Variants in LRRC4C observed in about 807,000 individuals in gnomAD.
The protein encoded by LRRC4C is leucine-rich repeat-containing protein 4C.
Under a neutral mutation model 33.6 loss-of-function variants are expected in LRRC4C, and 5 were observed. The observed-to-expected ratio is 0.15, with a 90% CI of 0.08 to 0.31. The LOEUF is 0.31. LRRC4C is among the 10% of genes least tolerant of loss of function. LRRC4C has a pLI of 1.00. For missense variants in LRRC4C, 560 were observed against 796.7 expected, an observed-to-expected ratio of 0.70 and a Z score of 3.58; for synonymous variants, 329 against 302.0, an observed-to-expected ratio of 1.09 and a Z score of -0.93.
At chr11:41,253,618 C>A (rs1391845984) in intron 1 of LRRC4C, among the ~76,000 whole-genome samples, 3 of 152,056 alleles carry the variant, frequency 2.0e-5, no homozygotes, top group Non-Finnish European at 4.4e-5. Flanking sequence ...TAACACTAAC[C>A]AAGTCTTGTC....
intron 1 of LRRC4C, among the ~76,000 whole-genome samples, chr11:41,265,330 G>T (rs572039228): frequency 6.6e-6 from 1 of 152,150 alleles, no homozygotes; most frequent in Admixed American, 6.5e-5. Context: ...CCAAGAGGAC[G>T]ATACTTAAAA....
At chr11:40,385,358 C>T in intron 3 of LRRC4C, among the ~76,000 whole-genome samples, 1 of 152,296 alleles carries the variant, frequency 6.6e-6, no homozygotes, top group South Asian at 2.1e-4. Context: ...GCAGAGAACT[C>T]TCATTCAAGT....
At chr11:41,197,259 A>G (rs1423179816) in intron 1 of LRRC4C, among the ~76,000 whole-genome samples, 1 of 151,992 alleles carries the variant, frequency 6.6e-6, no homozygotes, top group Non-Finnish European at 1.5e-5. Context: ...TTAGAGGATA[A>G]TCCCTTTCGC....
At chr11:41,224,569 GTT>G (rs910323263) in intron 1 of LRRC4C, among the ~76,000 whole-genome samples, 10 of 152,082 alleles carry the variant, frequency 6.6e-5, no homozygotes, top group Non-Finnish European at 1.5e-4. Context: ...TTCTTAATAG[GTT>G]TAGAACTTAG....
chr11:40,484,365 C>T (rs1044204176), intron 3 of LRRC4C, among the ~76,000 whole-genome samples: 4 of 151,878 alleles, frequency 2.6e-5, no homozygotes, highest in African/African-American at 9.7e-5. Context: ...CATCCTAAAA[C>T]ATAAACACAT....
intron 1 of LRRC4C, among the ~76,000 whole-genome samples, chr11:40,967,150 G>T: frequency 6.6e-6 from 1 of 151,210 alleles, no homozygotes; most frequent in East Asian, 1.9e-4. Context: ...TTTAAAAAGA[G>T]AAAAGGAAAG....
At chr11:40,813,688 ATCC>A (rs1276186341) in intron 2 of LRRC4C, among the ~76,000 whole-genome samples, 5 of 152,120 alleles carry the variant, frequency 3.3e-5, no homozygotes, top group Non-Finnish European at 7.4e-5. Context: ...TCTGCCTATG[ATCC>A]TGTAAAATCA....
Position 40,239,240 on chromosome 11 carries a change from T to C in LRRC4C, c.-96+2279A>G, listed in dbSNP as rs1321417337. Reference sequence around the variant, plus strand: ...AGCATATTTTCCCCCAAATCTAGTGTTTTTAAGCTCAAACTGCCTTATATT... The same window carrying C: ...AGCATATTTTCCCCCAAATCTAGTGCTTTTAAGCTCAAACTGCCTTATATT... On this transcript the variant is annotated intron_variant, in intron 5 of 6. Coordinates refer to ENST00000528697, the MANE Select transcript of LRRC4C (RefSeq NM_001258419.2). 2.3e-4 allele frequency among the ~76,000 whole-genome samples: 35 copies of C among 152,198 alleles called. 1 individual carries two copies. Among genetic ancestry groups the C allele is most frequent in the Admixed American group, 2.2e-3 (34 of 15,268 alleles).
intron 5 of LRRC4C, among the ~76,000 whole-genome samples, chr11:40,188,799 T>C (rs1861608330): frequency 6.9e-6 from 1 of 144,264 alleles, no homozygotes. Context: ...GGCTTTAAAG[T>C]AGACCTTGAT....
intron 1 of LRRC4C, among the ~76,000 whole-genome samples, chr11:41,161,596 G>A (rs888918418): frequency 2.3e-4 from 35 of 152,038 alleles, no homozygotes; most frequent in African/African-American, 8.2e-4. Context: ...GGACACTTAG[G>A]GTCACCTATG....
intron 1 of LRRC4C, among the ~76,000 whole-genome samples, chr11:41,172,116 G>T (rs1422392933): frequency 2.0e-5 from 3 of 152,094 alleles, no homozygotes; most frequent in Non-Finnish European, 2.9e-5. Flanking sequence ...GTTAACAAAG[G>T]GTGGCGGAGG....
intron 6 of LRRC4C, among the ~76,000 whole-genome samples, chr11:40,140,568 C>G (rs1331023470): frequency 6.6e-6 from 1 of 152,096 alleles, no homozygotes; most frequent in East Asian, 1.9e-4. Context: ...AAGAGAAACA[C>G]AAGAAATTTG....
intron 4 of LRRC4C, among the ~76,000 whole-genome samples, chr11:40,272,922 A>G (rs1451213030): frequency 6.6e-6 from 1 of 152,028 alleles, no homozygotes; most frequent in Admixed American, 6.6e-5. Flanking sequence ...TTTTAAAGCC[A>G]TGTGTCAATA....
chr11:40,527,294 A>G (rs1195993988), intron 3 of LRRC4C, among the ~76,000 whole-genome samples: 1 of 152,188 alleles, frequency 6.6e-6, no homozygotes, highest in African/African-American at 2.4e-5. Context: ...ATTAAAAATT[A>G]AAGATATAGA....
At chr11:41,257,684 G>A (rs1299852042) in intron 1 of LRRC4C, among the ~76,000 whole-genome samples, 1 of 152,072 alleles carries the variant, frequency 6.6e-6, no homozygotes, top group Non-Finnish European at 1.5e-5. Flanking sequence ...GAGCTGGAAG[G>A]TGAAGAGTGA....
chr11:41,034,092 C>T (rs929779306), intron 1 of LRRC4C, among the ~76,000 whole-genome samples: 1 of 151,900 alleles, frequency 6.6e-6, no homozygotes, highest in Non-Finnish European at 1.5e-5. Flanking sequence ...TTACATGTGT[C>T]CTCCAAATGT....
At chr11:40,594,160 G>C (rs1356691655) in intron 3 of LRRC4C, among the ~76,000 whole-genome samples, 5 of 152,088 alleles carry the variant, frequency 3.3e-5, no homozygotes, top group African/African-American at 1.2e-4. Context: ...AATTTTCTAT[G>C]GTACACTCTG....
rs557333563 is a variant in LRRC4C, at chr11:40,394,093, A to G, written c.-269-74372T>C. 2.7e-4 allele frequency among the ~76,000 whole-genome samples: 41 copies of G among 152,202 alleles called. No individual in the cohort carries two copies. The South Asian group carries it at 7.5e-3, about 28-fold the overall frequency. ...AAAATGAAAGAAAGAAAGAATGGGT[A>G]CATAGTCTTGTTTAGATAATGTTGG... On this transcript the variant is annotated intron_variant, in intron 3 of 6. Transcript: ENST00000528697.
At chr11:40,526,463 T>A (rs1006709206) in intron 3 of LRRC4C, among the ~76,000 whole-genome samples, 2 of 149,484 alleles carry the variant, frequency 1.3e-5, no homozygotes, top group African/African-American at 5.1e-5. Context: ...AAATGGCCAA[T>A]AAACAAATGA....
Sources: allele counts gnomAD v4.1 joint callset (sites outside exome capture counted in the v4.1 genomes callset), GRCh38; gene constraint gnomAD v4.1.1; transcripts MANE v1.5; gene names NCBI Gene and HGNC (gene_info 2026-07-23, HGNC 2026-07-21).